The following STK10 variants were observed in gnomAD, a reference collection of about 807,000 sequenced individuals.
The protein encoded by STK10 is serine/threonine kinase 10.
A neutral mutation model predicts 113.8 loss-of-function variants in STK10; 78 were observed. The ratio of observed to expected loss-of-function variants is 0.69; its 90% confidence interval spans 0.57 to 0.83. The LOEUF is 0.83. Among genes scored for constraint, STK10 ranks in the 40% least tolerant of loss-of-function variants. The probability of loss-of-function intolerance (pLI) is 0.00; values close to 1 mark genes in which losing one functional copy is unlikely to be tolerated. For synonymous variants in STK10, 465 were observed against 494.7 expected (o/e 0.94, Z 0.80); for missense variants, 1,109 against 1,280.1 (o/e 0.87, Z 2.04).
Position 172,138,815 on chromosome 5 carries a change from A to G in STK10, c.322-11394T>C, listed in dbSNP as rs548966964. ...ATCACGAGGTCAGGAGATCGAGACC[A>G]TCCTGGCTAACACAGTGAAACCCCG... On this transcript the variant is annotated intron_variant, in intron 2 of 18. Transcript: ENST00000176763. Among the ~76,000 whole-genome samples, 12 of 152,204 alleles carry G rather than the reference A, an allele frequency of 7.9e-5. No homozygotes were observed. In the South Asian group the frequency reaches 2.3e-3, roughly 29 times the overall value.
chr5:172,100,658 G>T (rs974540551), intron 7 of STK10, among the ~76,000 whole-genome samples: 1 of 151,980 alleles, frequency 6.6e-6, no homozygotes, highest in Non-Finnish European at 1.5e-5. Context: ...GTGGTGGCAG[G>T]CGTCTGTAAT....
intron 7 of STK10, among the ~76,000 whole-genome samples, chr5:172,098,062 G>A (rs1768898646): frequency 6.6e-6 from 1 of 152,076 alleles, no homozygotes; most frequent in Non-Finnish European, 1.5e-5. Context: ...TATACAGGAA[G>A]GCTCTGATGA....
intron 14 of STK10, 34 bp from the exon 15 acceptor site, chr5:172,057,507 C>T: frequency 1.3e-6 from 2 of 1,536,744 alleles, no homozygotes; most frequent in African/African-American, 2.7e-5. Context: ...TGGTGAGGTG[C>T]TGACAACCAG....
At chr5:172,050,509 T>C (rs1767605161) in intron 18 of STK10, among the ~76,000 whole-genome samples, 1 of 152,086 alleles carries the variant, frequency 6.6e-6, no homozygotes, top group African/African-American at 2.4e-5. Context: ...CTGGGCAACA[T>C]AGCAAGACCC....
At chr5:172,089,204 C>A (rs536470939) in intron 10 of STK10, among the ~76,000 whole-genome samples, 1 of 152,318 alleles carries the variant, frequency 6.6e-6, no homozygotes, top group South Asian at 2.1e-4. Flanking sequence ...CAGGGGCTTC[C>A]CTTGGAGCAG....
Position 172,082,477 on chromosome 5 carries a change from A to G in STK10, c.1838T>C (p.Leu613Ser), listed in dbSNP as rs1304574110. 1.9e-6 allele frequency: 3 copies of G among 1,594,438 alleles called. No homozygotes were observed. The highest frequency in any genetic ancestry group is 2.3e-5 in the South Asian group (2 of 87,994). ...NAKKKFFDTE[L>S]ENLERQQKQQ... Reference sequence around the variant, plus strand: ...CTTTTGCTGACGCTCCAGGTTCTCTAATTCCGTGTCAAAGAACTTCTTCTT... The same window carrying G: ...CTTTTGCTGACGCTCCAGGTTCTCTGATTCCGTGTCAAAGAACTTCTTCTT... Residue 613 changes from leucine to serine, a missense_variant, in exon 12 of 19, where the codon TTA becomes TCA. By Grantham distance (145) the Leu-to-Ser change is moderately radical (BLOSUM62 -2). Transcript: ENST00000176763. The surrounding 1 kb of genome is among the most constrained non-coding windows in gnomAD (Gnocchi z 4.3).
intron 1 of STK10, among the ~76,000 whole-genome samples, chr5:172,160,279 G>T (rs577970137): frequency 1.3e-5 from 2 of 152,192 alleles, no homozygotes; most frequent in East Asian, 3.9e-4. Flanking sequence ...TTCAAGACCA[G>T]CCTGGCCAAC....
At chr5:172,107,678 T>TGCCCACAGGCTGACCGGTC in intron 5 of STK10, 102 bp downstream of exon 5, 1 of 1,075,814 alleles carries the variant, frequency 9.3e-7, no homozygotes, top group Non-Finnish European at 1.4e-6. Context: ...GCAGGGCGTG[T>TGCCCACAGGCTGACCGGTC]AGCCCTTGTC....
At chr5:172,108,229 T>C (rs1769159337) in intron 4 of STK10, 1 of 161,256 alleles carries the variant, frequency 6.2e-6, no homozygotes, top group African/African-American at 2.4e-5. Context: ...ATAATAACAG[T>C]GCCATTATAA....
chr5:172,165,080 G>A (rs1452191472), intron 1 of STK10, among the ~76,000 whole-genome samples: 1 of 152,166 alleles, frequency 6.6e-6, no homozygotes, highest in Non-Finnish European at 1.5e-5. Context: ...TTCACCCAAG[G>A]GGCCCAGCCA....
chr5:172,087,874 C>T (rs1270061707), intron 10 of STK10, among the ~76,000 whole-genome samples: 4 of 101,868 alleles, frequency 3.9e-5, no homozygotes, highest in South Asian at 2.7e-4. Context: ...ATGATCCACC[C>T]GCCTCGGCCT....
chr5:172,101,561 A>G (rs1768989795), intron 7 of STK10, among the ~76,000 whole-genome samples: 2 of 152,214 alleles, frequency 1.3e-5, no homozygotes, highest in Admixed American at 1.3e-4. Flanking sequence ...CTATCAGCGA[A>G]CAAAACAAAG....
At chr5:172,145,782 A>T (rs1454676818) in intron 2 of STK10, among the ~76,000 whole-genome samples, 1 of 152,170 alleles carries the variant, frequency 6.6e-6, no homozygotes, top group East Asian at 1.9e-4. Context: ...CCTGGTTGTG[A>T]TCACATGGGA....
At chr5:172,094,263 G>T (rs76159594) in intron 8 of STK10, among the ~76,000 whole-genome samples, 4,876 of 152,332 alleles carry the variant, frequency 0.032, 119 homozygotes, top group Non-Finnish European at 0.047. Context: ...ACAGGGAGGG[G>T]TCAGTGGCCG....
At chr5:172,065,949 T>C (rs919224048) in intron 12 of STK10, among the ~76,000 whole-genome samples, 1 of 152,188 alleles carries the variant, frequency 6.6e-6, no homozygotes, top group Non-Finnish European at 1.5e-5. Context: ...GGATTGGGTT[T>C]CTGTCTTTTA....
intron 3 of STK10, among the ~76,000 whole-genome samples, chr5:172,122,514 C>A (rs572872685): frequency 6.6e-6 from 1 of 152,334 alleles, no homozygotes; most frequent in East Asian, 1.9e-4. Flanking sequence ...TGAATACCTT[C>A]TCCTTATTAA....
chr5:172,081,006 C>T (rs774676364), intron 12 of STK10, among the ~76,000 whole-genome samples: 3 of 152,146 alleles, frequency 2.0e-5, no homozygotes, highest in Non-Finnish European at 2.9e-5. Context: ...CTGATGGTGA[C>T]TTGAAGTTGA....
intron 2 of STK10, among the ~76,000 whole-genome samples, chr5:172,154,968 T>A (rs1581182039): frequency 6.6e-6 from 1 of 152,240 alleles, no homozygotes; most frequent in South Asian, 2.1e-4. Context: ...TCTTTGGACC[T>A]GGGAAAGTTA....
intron 18 of STK10, among the ~76,000 whole-genome samples, chr5:172,051,018 C>T (rs1210149136): frequency 2.0e-5 from 3 of 151,442 alleles, no homozygotes; most frequent in Non-Finnish European, 2.9e-5. Context: ...AAGGTTGAGG[C>T]AGGAGAATCG....
Sources: allele counts gnomAD v4.1 joint callset (sites outside exome capture counted in the v4.1 genomes callset), GRCh38; gene constraint gnomAD v4.1.1; non-coding constraint Gnocchi (gnomAD v3.1); transcripts MANE v1.5; gene names NCBI Gene and HGNC (gene_info 2026-07-23, HGNC 2026-07-21).